PDE10A: variants seen among roughly 807,000 people sequenced by gnomAD.
PDE10A encodes the protein cAMP and cAMP-inhibited cGMP 3',5'-cyclic phosphodiesterase 10A.
PDE10A carries 39 observed loss-of-function variants against 97.7 expected under a neutral mutation model. The ratio of observed to expected loss-of-function variants is 0.40; its 90% CI spans 0.31 to 0.52. The LOEUF (loss-of-function observed/expected upper bound fraction) is 0.52. Ranked by LOEUF, PDE10A falls within the 20% of genes least tolerant of loss-of-function variation. The pLI is 0.56. For missense variants in PDE10A, 731 were observed against 1,047.8 expected (o/e 0.70, Z 4.17); for synonymous variants, 371 against 376.8 (o/e 0.98, Z 0.18).
chr6:165,472,472 T>C (rs1779070890), intron 3 of PDE10A, among the ~76,000 whole-genome samples: 1 of 152,148 alleles, frequency 6.6e-6, no homozygotes, highest in Non-Finnish European at 1.5e-5. Context: ...GCTCCATTAA[T>C]TTCTTCTCAT....
chr6:165,333,506 TG>T (rs1220951132), intron 21 of PDE10A, among the ~76,000 whole-genome samples: 1 of 152,148 alleles, frequency 6.6e-6, no homozygotes, highest in Non-Finnish European at 1.5e-5. Flanking sequence ...TAGGAACACT[TG>T]GTGACAACAC....
intron 2 of PDE10A, among the ~76,000 whole-genome samples, chr6:165,523,785 T>C (rs1336057078): frequency 6.6e-6 from 1 of 152,112 alleles, no homozygotes; most frequent in Non-Finnish European, 1.5e-5. Flanking sequence ...ACTAAAGAGC[T>C]CTGCACTGAA....
intron 1 of PDE10A, among the ~76,000 whole-genome samples, chr6:165,821,431 G>C (rs1779566240): frequency 6.6e-6 from 1 of 152,316 alleles, no homozygotes; most frequent in Non-Finnish European, 1.5e-5. Flanking sequence ...ATAATTATGA[G>C]ACTGCAGAAG....
intron 1 of PDE10A, among the ~76,000 whole-genome samples, chr6:165,893,209 C>T (rs1382728924): frequency 1.2e-4 from 19 of 152,212 alleles, no homozygotes; most frequent in Admixed American, 1.2e-3. Flanking sequence ...TTATCAAAAT[C>T]AGGAAATAAG....
Position 165,390,740 on chromosome 6 carries a change from G to A in PDE10A, c.2454+1906C>T, listed in dbSNP as rs529582426. Among the ~76,000 whole-genome samples the A allele has an allele frequency of 7.2e-5, 11 of 152,300 alleles. No individual in the cohort carries two copies. In the South Asian group the frequency reaches 2.3e-3, roughly 32 times the overall value. ...GGGGGTGCTGCGATGGGAGTCAGCA[G>A]AAGTTCTCACAGGTACATTTTTAGC... On this transcript the variant is annotated intron_variant, in intron 16 of 21. Transcript: ENST00000539869.
intron 3 of PDE10A, among the ~76,000 whole-genome samples, chr6:165,453,842 A>G (rs1428991522): frequency 1.3e-5 from 2 of 152,200 alleles, no homozygotes; most frequent in African/African-American, 4.8e-5. Context: ...AAGCCCTGGG[A>G]GCAAGGCCAT....
chr6:165,405,948 G>A (rs890377275), intron 13 of PDE10A, among the ~76,000 whole-genome samples: 7 of 152,088 alleles, frequency 4.6e-5, no homozygotes, highest in Non-Finnish European at 7.4e-5. Flanking sequence ...AACCACCTAG[G>A]ATGTAGGGTC....
intron 1 of PDE10A, among the ~76,000 whole-genome samples, chr6:165,826,632 G>A (rs997903519): frequency 6.6e-6 from 1 of 152,114 alleles, no homozygotes; most frequent in African/African-American, 2.4e-5. Flanking sequence ...CCATAGGGGT[G>A]GTGCGGGGGA....
chr6:165,552,543 T>A (rs1196825533), intron 1 of PDE10A, among the ~76,000 whole-genome samples: 1 of 152,162 alleles, frequency 6.6e-6, no homozygotes, highest in African/African-American at 2.4e-5. Context: ...CAACCCCCAA[T>A]AAGAAAACTG....
At chr6:165,493,545 T>A (rs533671738) in intron 2 of PDE10A, among the ~76,000 whole-genome samples, 1 of 152,154 alleles carries the variant, frequency 6.6e-6, no homozygotes, top group South Asian at 2.1e-4. Flanking sequence ...ATACTTACTG[T>A]CAAGTGATTT....
intron 1 of PDE10A, among the ~76,000 whole-genome samples, chr6:165,619,719 CCAGTG>C (rs36226814): frequency 4.2e-4 from 43 of 102,568 alleles, no homozygotes; most frequent in African/African-American, 1.9e-3. Flanking sequence ...GTAGTGTAGT[CCAGTG>C]TAGTGTAGTG....
chr6:165,619,161 AGTGT>A (rs1262484336), intron 1 of PDE10A, among the ~76,000 whole-genome samples: 6 of 146,610 alleles, frequency 4.1e-5, no homozygotes, highest in African/African-American at 1.6e-4. Flanking sequence ...CGTGTAGTGT[AGTGT>A]AGTGTAGTCT....
At chr6:165,347,042 T>A (rs1562369214) in intron 18 of PDE10A, among the ~76,000 whole-genome samples, 1 of 151,784 alleles carries the variant, frequency 6.6e-6, no homozygotes, top group South Asian at 2.1e-4. Flanking sequence ...ACACATAGAA[T>A]TTGAAAAGAA....
chr6:165,581,730 T>G (rs1349544602), intron 1 of PDE10A, among the ~76,000 whole-genome samples: 1 of 152,246 alleles, frequency 6.6e-6, no homozygotes, highest in African/African-American at 2.4e-5. Flanking sequence ...CTTTGATTAT[T>G]CTGGTGGACA....
intron 18 of PDE10A, among the ~76,000 whole-genome samples, chr6:165,347,735 A>T (rs1782411265): frequency 6.6e-6 from 1 of 152,202 alleles, no homozygotes; most frequent in Non-Finnish European, 1.5e-5. Flanking sequence ...TGAGACATCA[A>T]ACATTCCTGG....
chr6:165,827,588 G>T (rs1264317421), intron 1 of PDE10A, among the ~76,000 whole-genome samples: 2 of 152,226 alleles, frequency 1.3e-5, no homozygotes, highest in Middle Eastern at 3.2e-3. Flanking sequence ...TGTTAAAAAT[G>T]GAGAGGATGG....
chr6:165,384,987 A>G (rs1785199183), intron 17 of PDE10A, among the ~76,000 whole-genome samples: 1 of 152,214 alleles, frequency 6.6e-6, no homozygotes, highest in African/African-American at 2.4e-5. Flanking sequence ...GGCAATGCAG[A>G]TCAAGAAAGC....
At chr6:165,429,077 A>G (rs1212866516) in intron 9 of PDE10A, among the ~76,000 whole-genome samples, 4 of 152,136 alleles carry the variant, frequency 2.6e-5, no homozygotes, top group African/African-American at 9.6e-5. Context: ...AAATACAAAT[A>G]TTTAAATGTG....
At chr6:165,826,673 G>T (rs1022819429) in intron 1 of PDE10A, among the ~76,000 whole-genome samples, 4 of 152,204 alleles carry the variant, frequency 2.6e-5, no homozygotes, top group African/African-American at 9.6e-5. Flanking sequence ...TCTGAGCAGG[G>T]TCTCCACTGA....
Sources: gnomAD v4.1 joint callset for allele counts (sites outside exome capture counted in the v4.1 genomes callset) on GRCh38, gnomAD v4.1.1 for gene constraint, MANE v1.5 for transcripts, NCBI Gene and HGNC (gene_info 2026-07-23, HGNC 2026-07-21) for gene names.